Variants in MAP3K2 observed in about 807,000 individuals in gnomAD.
MAP3K2 encodes MAP/ERK kinase kinase 2.
A neutral mutation model predicts 80.3 loss-of-function variants in MAP3K2; 24 were observed. The ratio of observed to expected loss-of-function variants is 0.30; its 90% CI spans 0.22 to 0.42. The LOEUF is 0.42. Among genes scored for constraint, MAP3K2 ranks in the 10% least tolerant of loss-of-function variants. The pLI is 1.00. For synonymous variants in MAP3K2, 244 were observed against 253.7 expected, an observed-to-expected ratio of 0.96 and a Z score of 0.36; for missense variants, 608 against 750.1, an observed-to-expected ratio of 0.81 and a Z score of 2.21.
intron 1 of MAP3K2, among the ~76,000 whole-genome samples, chr2:127,378,520 ATTT>A (rs930230935): frequency 6.6e-6 from 1 of 152,198 alleles, no homozygotes; most frequent in African/African-American, 2.4e-5. Context: ...TTGTAACATA[ATTT>A]TTTATGATAA....
chr2:127,299,862 C>G lies in MAP3K2; in HGVS notation c.*7717G>C, dbSNP rs537501889. 2.0e-5 allele frequency: 3 copies of G among 151,916 alleles called. No individual in the cohort carries two copies. The South Asian group carries it at 6.2e-4, about 32-fold the overall frequency. 9.4% of individuals were successfully genotyped at this position (151,916 alleles called of 1,614,324 possible). ...ATTTAATTATCACAACTAAACAGTA[C>G]CCTTATAAAACAAGTTCATAAAAAT... is the stretch of plus-strand genomic sequence containing the variant. On this transcript the variant is annotated 3_prime_UTR_variant, in exon 17 of 17. Transcript: ENST00000682094.
chr2:127,377,312 T>C (rs1372119298), intron 1 of MAP3K2, among the ~76,000 whole-genome samples: 1 of 151,676 alleles, frequency 6.6e-6, no homozygotes, highest in Non-Finnish European at 1.5e-5. Context: ...AACTCTGACT[T>C]AGCAATTATA....
Position 127,381,358 on chromosome 2 carries a change from T to TA in MAP3K2, c.-66+6093dup, listed in dbSNP as rs764722540. Among the ~76,000 whole-genome samples the TA allele has an allele frequency of 1.6e-4, 25 of 152,360 alleles. No homozygotes were observed. The Middle Eastern group carries it at 0.017, about 104-fold the overall frequency. Reference sequence around the variant, plus strand: ...CTAAGAAAAATTTAAATGCACTTCTTAAGAGTACAGAAGACCAGCATTGAG... The same window carrying TA: ...CTAAGAAAAATTTAAATGCACTTCTTAAAGAGTACAGAAGACCAGCATTGAG... On this transcript the variant is annotated intron_variant, in intron 1 of 16. Transcript: ENST00000682094.
chr2:127,334,192 TA>T (rs201767060), intron 5 of MAP3K2, among the ~76,000 whole-genome samples: 11 of 145,472 alleles, frequency 7.6e-5, no homozygotes, highest in Non-Finnish European at 7.6e-5. Context: ...GAGAAGTCAC[TA>T]AAAAAAAAAC....
chr2:127,376,631 A>G (rs1687156480), intron 1 of MAP3K2, among the ~76,000 whole-genome samples: 1 of 152,200 alleles, frequency 6.6e-6, no homozygotes, highest in African/African-American at 2.4e-5. Context: ...AAGGATGACA[A>G]AAATGTTGAG....
Position 127,387,704 on chromosome 2 carries a change from G to A in MAP3K2, c.-318C>T. On this transcript the variant is annotated 5_prime_UTR_variant, in exon 1 of 17. Transcript: ENST00000682094. ...TCCTCGCAGCCGGCCGGGTCCTCCT[G>A]GCGCTCCTCGGCACTTCTAGCCGCT... is the stretch of plus-strand genomic sequence containing the variant. 1.0e-6 allele frequency: 1 copy of A among 985,276 alleles called. No homozygotes were observed. The highest frequency in any genetic ancestry group is 1.2e-6 in the Non-Finnish European group (1 of 829,912). 61.0% of individuals were successfully genotyped at this position (985,276 alleles called of 1,614,324 possible).
In MAP3K2 at chr2:127,318,240, C is replaced by G; in HGVS notation, c.1123G>C (p.Asp375His). 1.2e-6 allele frequency: 2 copies of G among 1,612,324 alleles called. No individual in the cohort carries two copies. The highest frequency in any genetic ancestry group is 1.7e-6 in the Non-Finnish European group (2 of 1,179,242). ...GCCAATTCTCTTCCTGTATCAACATCATAACAGAGGTAGACCCTTCCAAAG... is the reference window on the plus strand; with the variant it reads ...GCCAATTCTCTTCCTGTATCAACATGATAACAGAGGTAGACCCTTCCAAAG... ...GAFGRVYLCY[D>H]VDTGRELAVK... Residue 375 changes from aspartate (D) to histidine (H), a missense_variant, in exon 13 of 17, where the codon GAT becomes CAT. Physicochemically the swap from Asp to His is moderately conservative, Grantham distance 81. This residue lies in a region of MAP3K2 where 467 missense variants were observed against 521.9 expected (regional missense o/e 0.89). Coordinates refer to ENST00000682094, the MANE Select transcript of MAP3K2 (RefSeq NM_001371910.2).
rs1686077197 is a variant in MAP3K2, at chr2:127,323,927, T to C, written c.813A>G (p.Ser271=). The C allele has an allele frequency of 6.5e-7, 1 of 1,547,992 alleles. No individual in the cohort carries two copies. The highest frequency in any genetic ancestry group is 8.8e-7 in the Non-Finnish European group (1 of 1,136,058). ...CATCATTATACTCTTGATGATGATA[T>C]GAAACATGATACCTTCTTGGATATG... ...GGTYPRRYHV[S]YHHQEYNDGR... The change falls in exon 11 of 17, where the codon TCA becomes TCG. Residue 271 remains serine (S), a synonymous_variant. Coordinates refer to ENST00000682094, the MANE Select transcript of MAP3K2 (RefSeq NM_001371910.2).
intron 6 of MAP3K2, 30 bp downstream of exon 6, chr2:127,330,362 T>A (rs745847682): frequency 8.8e-7 from 1 of 1,136,384 alleles, no homozygotes; most frequent in Admixed American, 2.3e-5. Flanking sequence ...GTCCTATAAT[T>A]CTTACTGAAA....
intron 7 of MAP3K2, among the ~76,000 whole-genome samples, chr2:127,328,311 T>A (rs76392451): frequency 0.027 from 4,074 of 152,166 alleles, 66 homozygotes; most frequent in African/African-American, 0.054. Flanking sequence ...AGCAATTTTT[T>A]AAAAAATGAC....
Position 127,308,688 on chromosome 2 carries a change from T to C in MAP3K2, c.1531A>G (p.Ile511Val), listed in dbSNP as rs767095570. Residue 511 changes from isoleucine to valine, a missense_variant, in exon 16 of 17, where the codon ATC becomes GTC. Coordinates refer to ENST00000682094, the MANE Select transcript of MAP3K2 (RefSeq NM_001371910.2). Reference sequence around the variant, plus strand: ...TTCATTCCTGTCCCTGAGAGACAGATGGTCTGAAGCCGTTTGCTGGCCCCA... The same window carrying C: ...TTCATTCCTGTCCCTGAGAGACAGACGGTCTGAAGCCGTTTGCTGGCCCCA... ...DFGASKRLQT[I>V]CLSGTGMKSV... The C allele has an allele frequency of 6.2e-7, 1 of 1,614,000 alleles. No homozygotes were observed. Among genetic ancestry groups the C allele is most frequent in the Non-Finnish European group, 8.5e-7 (1 of 1,179,882 alleles).
At chr2:127,367,472 C>T (rs1047085420) in intron 1 of MAP3K2, among the ~76,000 whole-genome samples, 9 of 152,156 alleles carry the variant, frequency 5.9e-5, no homozygotes, top group Non-Finnish European at 1.0e-4. Flanking sequence ...TCTCATTTCC[C>T]TATCACATTA....
intron 1 of MAP3K2, among the ~76,000 whole-genome samples, chr2:127,369,457 CCCGT>C (rs929531829): frequency 7.7e-6 from 1 of 129,816 alleles, no homozygotes; most frequent in Non-Finnish European, 1.6e-5. Flanking sequence ...ACGGTGAAAC[CCCGT>C]CTCTACTAAA....
At chr2:127,371,991 C>T (rs1687073126) in intron 1 of MAP3K2, among the ~76,000 whole-genome samples, 2 of 152,112 alleles carry the variant, frequency 1.3e-5, no homozygotes, top group Admixed American at 1.3e-4. Context: ...AGCCCACAGT[C>T]CTCTCTCTCA....
chr2:127,330,067 C>T, intron 6 of MAP3K2, 59 bp from the exon 7 acceptor site: 1 of 956,282 alleles, frequency 1.0e-6, no homozygotes, highest in Non-Finnish European at 1.7e-6. Context: ...TAAACAGAAT[C>T]CTCTCCCCTA....
At chr2:127,312,496 A>G (rs1348920839) in intron 15 of MAP3K2, among the ~76,000 whole-genome samples, 1 of 152,106 alleles carries the variant, frequency 6.6e-6, no homozygotes, top group Non-Finnish European at 1.5e-5. Context: ...CCCTATCTCT[A>G]CAAAAAAAAA....
chr2:127,381,447 T>C (rs1430748632), intron 1 of MAP3K2, among the ~76,000 whole-genome samples: 3 of 151,764 alleles, frequency 2.0e-5, no homozygotes, highest in African/African-American at 7.3e-5. Context: ...TTGAATACTT[T>C]GTTAAAATCT....
At chr2:127,370,656 G>T (rs1687046516) in intron 1 of MAP3K2, among the ~76,000 whole-genome samples, 1 of 152,310 alleles carries the variant, frequency 6.6e-6, no homozygotes, top group African/African-American at 2.4e-5. Context: ...ATGGTTCCTG[G>T]AAGAAGGTAC....
At chr2:127,361,312 C>CA (rs1233881088) in intron 1 of MAP3K2, among the ~76,000 whole-genome samples, 9,458 of 64,818 alleles carry the variant, frequency 0.15, 893 homozygotes, top group African/African-American at 0.27. Flanking sequence ...CACTCTGTCT[C>CA]AAAAAAAAAA....
Sources: allele counts gnomAD v4.1 joint callset (sites outside exome capture counted in the v4.1 genomes callset), GRCh38; gene constraint gnomAD v4.1.1; regional missense constraint gnomAD v4.1.1; transcripts MANE v1.5; gene names NCBI Gene and HGNC (gene_info 2026-07-23, HGNC 2026-07-21).